The following PCYT1B variants were observed in gnomAD, a reference collection of about 807,000 sequenced individuals.
The protein encoded by PCYT1B is phosphate cytidylyltransferase 1B, choline.
Under a neutral mutation model 26.4 loss-of-function variants are expected in PCYT1B, and 10 were observed. That is an observed-to-expected ratio of 0.38 (90% CI 0.23 to 0.64). PCYT1B has a LOEUF of 0.64. PCYT1B is among the 30% of genes least tolerant of loss of function. The probability of loss-of-function intolerance (pLI) is 0.56; values close to 1 mark genes in which losing one functional copy is unlikely to be tolerated. For missense variants in PCYT1B, 161 were observed against 292.7 expected (o/e 0.55, Z 3.28); for synonymous variants, 131 against 108.4 (o/e 1.21, Z -1.29).
At chrX:24,614,142 A>T (rs2148250745) in intron 2 of PCYT1B, among the ~76,000 whole-genome samples, 1 of 111,250 alleles carries the variant, frequency 9.0e-6, no homozygotes, top group South Asian at 3.8e-4. Flanking sequence ...CCACAGCTGG[A>T]CTAGCTAAGA....
chrX:24,614,976 C>T (rs769011387), intron 2 of PCYT1B, among the ~76,000 whole-genome samples: 10 of 111,528 alleles, frequency 9.0e-5, no homozygotes, highest in South Asian at 3.8e-4. Flanking sequence ...CACGCCACCA[C>T]GCCTGGCTAA....
chrX:24,576,198 T>A (rs1018420049), intron 6 of PCYT1B, among the ~76,000 whole-genome samples: 1 of 112,730 alleles, frequency 8.9e-6, no homozygotes, highest in Non-Finnish European at 1.9e-5. Context: ...ATTAAAACCA[T>A]GAAAATAACA....
intron 1 of PCYT1B, among the ~76,000 whole-genome samples, chrX:24,660,130 CA>C (rs949857768): frequency 8.3e-5 from 9 of 108,558 alleles, no homozygotes; most frequent in East Asian, 5.8e-4. Flanking sequence ...AAGTTTAGAA[CA>C]AAAAAAAAGT....
intron 3 of PCYT1B, among the ~76,000 whole-genome samples, chrX:24,606,053 C>CAAAAAAA (rs35072094): frequency 3.8e-5 from 2 of 52,472 alleles, no homozygotes; most frequent in Admixed American, 2.6e-4. Context: ...GACTCCATCT[C>CAAAAAAA]AAAAAAAAAA....
chrX:24,562,427 G>A lies in PCYT1B; in HGVS notation c.976C>T (p.Arg326Trp), dbSNP rs773535079. Residue 326 changes from arginine (R) to tryptophan (W), a missense_variant, in exon 8 of 8, where the codon CGG becomes TGG. Arg to Trp is a moderately radical substitution (Grantham distance 101, BLOSUM62 -3). Around this residue, in one of 4 missense-constraint regions of PCYT1B, gnomAD observed 38 missense variants for 55.9 expected, o/e 0.68. Coordinates refer to ENST00000379144, the MANE Select transcript of PCYT1B (RefSeq NM_004845.5). ...PKQSPVSSPT[R>W]SRSPSRSPSP... is the part of the protein sequence containing the mutation. Reference sequence around the variant, plus strand: ...GGGGAGCGGGAAGGGGACCGGCTCCGGGTTGGGCTGCTCACAGGGCTCTGC... The same window carrying A: ...GGGGAGCGGGAAGGGGACCGGCTCCAGGTTGGGCTGCTCACAGGGCTCTGC... 8 of 1,197,632 alleles carry A rather than the reference G, an allele frequency of 6.7e-6. No homozygotes were observed. Among genetic ancestry groups the A allele is most frequent in the South Asian group, 3.7e-5 (2 of 54,094 alleles).
At chrX:24,647,754 G>C (rs772594927), upstream of PCYT1B, among the ~76,000 whole-genome samples, 36 of 110,895 alleles carry the variant, frequency 3.2e-4, no homozygotes, top group Non-Finnish European at 3.8e-4. Flanking sequence ...ATTGCCAGTG[G>C]AGGGCCCCTC....
At chrX:24,642,459 T>C (rs1256821372) in intron 1 of PCYT1B, among the ~76,000 whole-genome samples, 1 of 112,645 alleles carries the variant, frequency 8.9e-6, no homozygotes, top group Non-Finnish European at 1.9e-5. Flanking sequence ...ACACAGAAGC[T>C]ACCTATTATA....
intron 5 of PCYT1B, among the ~76,000 whole-genome samples, chrX:24,582,117 G>T (rs1037912535): frequency 1.8e-5 from 2 of 112,704 alleles, no homozygotes; most frequent in African/African-American, 6.4e-5. Context: ...GGTGGGTGGG[G>T]GAACCCTCAG....
At chrX:24,647,374 C>T, upstream of PCYT1B, 6 of 751,904 alleles carry the variant, frequency 8.0e-6, no homozygotes, top group Non-Finnish European at 1.0e-5. Flanking sequence ...GATACAGTAT[C>T]TCATTTGCAT....
chrX:24,621,219 G>A (rs765929791), intron 1 of PCYT1B, among the ~76,000 whole-genome samples: 20 of 111,357 alleles, frequency 1.8e-4, no homozygotes, highest in Non-Finnish European at 3.2e-4. Flanking sequence ...ACTTGAGGCA[G>A]GAAATATTTT....
upstream of PCYT1B, among the ~76,000 whole-genome samples, chrX:24,648,449 ATTTTTT>A (rs57744798): frequency 1.8e-4 from 7 of 39,715 alleles, no homozygotes; most frequent in African/African-American, 9.8e-4. Flanking sequence ...ATTTGAAGGA[ATTTTTT>A]TTTTTTTTTT....
chrX:24,592,925 G>GT (rs1209989635), intron 3 of PCYT1B, among the ~76,000 whole-genome samples: 2 of 111,491 alleles, frequency 1.8e-5, no homozygotes, highest in Non-Finnish European at 3.8e-5. Flanking sequence ...TTTTGTTTGT[G>GT]TTTTTTGGAC....
chrX:24,601,214 C>A (rs748155490), intron 3 of PCYT1B, among the ~76,000 whole-genome samples: 3 of 112,031 alleles, frequency 2.7e-5, no homozygotes, highest in African/African-American at 6.5e-5. Context: ...GACTGGGGGC[C>A]GGGCACGATG....
chrX:24,661,836 A>G (rs1927035366), intron 1 of PCYT1B, among the ~76,000 whole-genome samples: 1 of 112,123 alleles, frequency 8.9e-6, no homozygotes, highest in Non-Finnish European at 1.9e-5. Flanking sequence ...TCTGGATGCT[A>G]TGAAGGAATT....
chrX:24,631,522 GA>G (rs1289733567), intron 1 of PCYT1B, among the ~76,000 whole-genome samples: 7 of 108,328 alleles, frequency 6.5e-5, no homozygotes, highest in East Asian at 2.9e-4. Flanking sequence ...ACGTGGATGA[GA>G]AAAAAAAAAT....
intron 1 of PCYT1B, among the ~76,000 whole-genome samples, chrX:24,653,332 G>A (rs980618512): frequency 9.9e-5 from 11 of 111,127 alleles, no homozygotes; most frequent in Non-Finnish European, 1.7e-4. Flanking sequence ...GCCAGCACCT[G>A]CATCTCTCTG....
At chrX:24,576,352 G>A (rs1392292900) in intron 6 of PCYT1B, among the ~76,000 whole-genome samples, 1 of 111,751 alleles carries the variant, frequency 8.9e-6, no homozygotes, top group East Asian at 2.8e-4. Flanking sequence ...TGCCCAGGCT[G>A]GAGTGCAATG....
rs948897920 is a variant in PCYT1B, at chrX:24,624,577, A to G, written c.118-5493T>C. Among the ~76,000 whole-genome samples the G allele has an allele frequency of 1.1e-4, 12 of 111,844 alleles. No individual in the cohort carries two copies. The South Asian group carries it at 1.1e-3, about 11-fold the overall frequency. ...TATGGCTTCCCCAATGGACTGCACC[A>G]ATGGGATCTCTGCCTCCTGCTTCCA... On this transcript the variant is annotated intron_variant, in intron 1 of 7. Transcript: ENST00000379144.
intron 7 of PCYT1B, 96 bp from the exon 8 acceptor site, chrX:24,562,601 A>G (rs1474055684): frequency 1.2e-5 from 9 of 734,592 alleles, no homozygotes; most frequent in African/African-American, 4.2e-5. Flanking sequence ...CACTACCCCA[A>G]AACTCCTGAG....
Sources: allele counts gnomAD v4.1 joint callset (sites outside exome capture counted in the v4.1 genomes callset), GRCh38; gene constraint gnomAD v4.1.1; regional missense constraint gnomAD v4.1.1; transcripts MANE v1.5; gene names NCBI Gene and HGNC (gene_info 2026-07-23, HGNC 2026-07-21).